NEFM: variants seen among roughly 807,000 people sequenced by gnomAD.
The protein encoded by NEFM is neurofilament medium polypeptide.
NEFM carries 16 observed loss-of-function variants against 48.1 expected under a neutral mutation model. The observed-to-expected ratio is 0.33, with a 90% CI of 0.23 to 0.51. The LOEUF is 0.51. NEFM is among the 20% of genes least tolerant of loss of function. The pLI, the probability that NEFM is intolerant of heterozygous loss-of-function variation, is 0.98. For missense variants in NEFM, 1,107 were observed against 1,136.0 expected (o/e 0.97, Z 0.37); for synonymous variants, 465 against 456.9 (o/e 1.02, Z -0.23).
rs111947575 is a variant in NEFM at position 24,918,282 on chromosome 8, A to G, written c.2427A>G (p.Lys809=). The change falls in exon 3 of 3, where the codon AAA becomes AAG. Residue 809 remains lysine, a synonymous_variant. Coordinates refer to ENST00000221166, the MANE Select transcript of NEFM (RefSeq NM_005382.2). The part of the protein sequence containing the change: ...DIAVNGEVEG[K]EEVEQETKEK... ...CTGTCAATGGGGAGGTAGAAGGAAA[A>G]GAGGAGGTAGAGCAGGAGACCAAGG... is the stretch of plus-strand genomic sequence containing the variant. 13 of 1,606,342 alleles carry G rather than the reference A, an allele frequency of 8.1e-6. No individual in the cohort carries two copies. In the African/African-American group the frequency reaches 9.4e-5, roughly 12 times the overall value.
rs1409776237 is a variant in NEFM, at chr8:24,914,513, G to A, written c.720G>A (p.Glu240=). Residue 240 remains glutamate (E), a synonymous_variant, in exon 1 of 3, where the codon GAG becomes GAA. Transcript: ENST00000221166. Reference sequence around the variant, plus strand: ...CCTTCCTGCGGAGCAACCACGAGGAGGAGGTGGCCGACCTTCTGGCCCAGA... The same window carrying A: ...CCTTCCTGCGGAGCAACCACGAGGAAGAGGTGGCCGACCTTCTGGCCCAGA... The part of the protein sequence containing the change: ...EVAFLRSNHE[E]EVADLLAQIQ... The A allele has an allele frequency of 5.0e-6, 8 of 1,614,026 alleles. No individual in the cohort carries two copies. The highest frequency in any genetic ancestry group is 6.8e-6 in the Non-Finnish European group (8 of 1,180,056).
At position 24,918,886 on chromosome 8, in the gene NEFM, AC is replaced by A. The variant is rs1802625045; in HGVS notation, c.*282del. The A allele has an allele frequency of 4.5e-6, 2 of 441,384 alleles. No homozygotes were observed. The highest frequency in any genetic ancestry group is 4.0e-5 in the African/African-American group (2 of 50,490). The allele number at this position is 441,384 out of a possible 1,614,324, so 27.3% of individuals were successfully genotyped here. On this transcript the variant is annotated 3_prime_UTR_variant, in exon 3 of 3. Coordinates refer to ENST00000221166, the MANE Select transcript of NEFM (RefSeq NM_005382.2). ...TGTCTTGAGATGTATTATGCAAAGT[AC>A]CAACTGAGCCAAAAACAATAAACGA...
Position 24,913,806 on chromosome 8 carries a change from T to C in NEFM, c.13T>C (p.Leu5=), listed in dbSNP as rs745514779. 1.8e-5 allele frequency: 29 copies of C among 1,609,038 alleles called. No individual in the cohort carries two copies. Among genetic ancestry groups the C allele is most frequent in the South Asian group, 1.8e-4 (16 of 90,622 alleles). The change falls in exon 1 of 3, where the codon TTG becomes CTG. Residue 5 remains leucine (L), a synonymous_variant. Transcript: ENST00000221166. MSYT[L]DSLGNPSAYR... ...CAAGGCCTCCAAGATGAGCTACACG[T>C]TGGACTCGCTGGGCAACCCGTCCGC...
At chr8:24,916,489 T>A (rs1802575037) in intron 2 of NEFM, among the ~76,000 whole-genome samples, 4 of 152,172 alleles carry the variant, frequency 2.6e-5, no homozygotes, top group Admixed American at 2.6e-4. Flanking sequence ...AGTTATAATA[T>A]AACGAGAATA....
chr8:24,917,073 G>A lies in NEFM; in HGVS notation c.1218G>A (p.Glu406=). 2 of 1,614,184 alleles carry A rather than the reference G, an allele frequency of 1.2e-6. No homozygotes were observed. Among genetic ancestry groups the A allele is most frequent in the Non-Finnish European group, 1.7e-6 (2 of 1,180,024 alleles). ...ATTTTCTCCTTAGAAAACTCCTGGAGGGTGAAGAGACTAGATTTAGCACAT... is the reference window on the plus strand; with the variant it reads ...ATTTTCTCCTTAGAAAACTCCTGGAAGGTGAAGAGACTAGATTTAGCACAT... ...IEIAAYRKLL[E]GEETRFSTFA... Residue 406 remains glutamate (E), a synonymous_variant, in exon 3 of 3, where the codon GAG becomes GAA. Transcript: ENST00000221166.
chr8:24,917,131 C>T lies in NEFM; in HGVS notation c.1276C>T (p.His426Tyr), dbSNP rs2117223436. Residue 426 changes from histidine (H) to tyrosine (Y), a missense_variant, in exon 3 of 3, where the codon CAC becomes TAC. Physicochemically the swap from His to Tyr is moderately conservative, Grantham distance 83. Coordinates refer to ENST00000221166, the MANE Select transcript of NEFM (RefSeq NM_005382.2). Reference protein sequence around the residue: ...AGSITGPLYTHRPPITISSKI... With the variant: ...AGSITGPLYTYRPPITISSKI... ...AAGCATCACTGGGCCACTGTATACA[C>T]ACCGACCCCCAATCACAATATCCAG... The T allele has an allele frequency of 6.2e-7, 1 of 1,614,124 alleles. No homozygotes were observed. The highest frequency in any genetic ancestry group is 2.2e-5 in the East Asian group (1 of 44,868).
chr8:24,917,590 G>A lies in NEFM; in HGVS notation c.1735G>A (p.Glu579Lys). Residue 579 changes from glutamate to lysine, a missense_variant, in exon 3 of 3, where the codon GAA becomes AAA. Glu to Lys is a moderately conservative substitution (Grantham distance 56). This residue lies in a region of NEFM where 917 missense variants were observed against 916.4 expected (regional missense o/e 1.00). Coordinates refer to ENST00000221166, the MANE Select transcript of NEFM (RefSeq NM_005382.2). ...AACAGAAGCTGAAGCTGAAGGAGAG[G>A]AAGCCGAAGCTAAAGAGGAAAAGAA... ...GETEAEAEGEEAEAKEEKKVE... is the reference protein window; with the variant it reads ...GETEAEAEGEKAEAKEEKKVE... The A allele has an allele frequency of 3.1e-6, 5 of 1,600,906 alleles. No homozygotes were observed. The highest frequency in any genetic ancestry group is 3.4e-6 in the Non-Finnish European group (4 of 1,173,160).
At position 24,918,226 on chromosome 8, in the gene NEFM, G is replaced by T; in HGVS notation, c.2371G>T (p.Gly791Cys). 2 of 1,560,892 alleles carry T rather than the reference G, an allele frequency of 1.3e-6. No homozygotes were observed. The highest frequency in any genetic ancestry group is 1.2e-5 in the South Asian group (1 of 84,916). The change falls in exon 3 of 3, where the codon GGT becomes TGT. Residue 791 changes from glycine (G) to cysteine (C), a missense_variant. Gly to Cys is a radical substitution (Grantham distance 159). Around this residue, in one of 3 missense-constraint regions of NEFM, gnomAD observed 917 missense variants for 916.4 expected, o/e 1.00. Transcript: ENST00000221166. ...GGSEEEGSDK[G>C]AKGSRKEDIA... The stretch of plus-strand genomic sequence containing the variant: ...AAGTGAGGAGGAAGGGAGTGATAAA[G>T]GTGCCAAGGGATCCAGGAAGGAAGA...
Position 24,917,322 on chromosome 8 carries a change from A to G in NEFM, c.1467A>G (p.Lys489=), listed in dbSNP as rs755092890. The G allele has an allele frequency of 1.2e-6, 2 of 1,613,562 alleles. No individual in the cohort carries two copies. Among genetic ancestry groups the G allele is most frequent in the Non-Finnish European group, 8.5e-7 (1 of 1,179,742 alleles). Residue 489 remains lysine (K), a synonymous_variant, in exon 3 of 3, where the codon AAA becomes AAG. Transcript: ENST00000221166. The part of the protein sequence containing the change: ...ELAVSMKEEK[K]EAAEEKEEEP... ...CCGTTTCCATGAAGGAAGAGAAGAA[A>G]GAAGCAGCAGAAGAAAAGGAAGAGG...
chr8:24,914,349 A>G lies in NEFM; in HGVS notation c.556A>G (p.Lys186Glu), dbSNP rs748231603. ...DHLEEDIHRLKERFEEEARLR... is the reference protein window; with the variant it reads ...DHLEEDIHRLEERFEEEARLR... ...CCTGGAGGAAGACATCCACCGGCTC[A>G]AGGAGCGCTTTGAGGAGGAGGCGCG... The change falls in exon 1 of 3, where the codon AAG (lysine) becomes GAG (glutamate). Residue 186 changes from lysine (K) to glutamate (E), a missense_variant. By Grantham distance (56) the Lys-to-Glu change is moderately conservative. Around this residue, in one of 3 missense-constraint regions of NEFM, gnomAD observed 917 missense variants for 916.4 expected, o/e 1.00. Transcript: ENST00000221166. The G allele has an allele frequency of 6.2e-7, 1 of 1,613,530 alleles. No individual in the cohort carries two copies. Among genetic ancestry groups the G allele is most frequent in the East Asian group, 2.2e-5 (1 of 44,868 alleles).
chr8:24,919,057 G>T lies in NEFM; in HGVS notation c.*451G>T, dbSNP rs1438038370. On this transcript the variant is annotated 3_prime_UTR_variant, in exon 3 of 3. Transcript: ENST00000221166. ...ATGTTGATCGATGTTAAACGTCACA[G>T]CAGTACTTGCTCAATAAAGGTCATA... The T allele has an allele frequency of 5.5e-6, 1 of 181,000 alleles. No homozygotes were observed. Among genetic ancestry groups the T allele is most frequent in the Non-Finnish European group, 1.2e-5 (1 of 84,976 alleles). 11.2% of individuals were successfully genotyped at this position (181,000 alleles called of 1,614,324 possible).
Position 24,917,055 on chromosome 8 carries a change from C to A in NEFM, c.1206-6C>A. ...TATGTCTTATGTTCTTGGATTTTCT[C>A]CTTAGAAAACTCCTGGAGGGTGAAG... On this transcript the variant is annotated splice_region_variant and splice_polypyrimidine_tract_variant and intron_variant, in intron 2 of 2. Transcript: ENST00000221166. The A allele has an allele frequency of 6.2e-7, 1 of 1,613,836 alleles. No individual in the cohort carries two copies. The highest frequency in any genetic ancestry group is 8.5e-7 in the Non-Finnish European group (1 of 1,179,744).
intron 1 of NEFM, chr8:24,915,221 T>C: frequency 7.8e-7 from 1 of 1,280,708 alleles, no homozygotes; most frequent in Non-Finnish European, 9.9e-7. Context: ...ACGCGTGTAT[T>C]CTCTACTTTT....
At position 24,914,747 on chromosome 8, in the gene NEFM, C is replaced by G. The variant is rs1174857156; in HGVS notation, c.954C>G (p.Ala318=). The part of the protein sequence containing the change: ...EAIRSAKEEI[A]EYRRQLQSKS... ...TCCGCTCCGCCAAGGAAGAGATCGCCGAGTACCGGCGCCAGCTGCAGTCCA... is the reference window on the plus strand; with the variant it reads ...TCCGCTCCGCCAAGGAAGAGATCGCGGAGTACCGGCGCCAGCTGCAGTCCA... The change falls in exon 1 of 3, where the codon GCC becomes GCG. Residue 318 remains alanine, a synonymous_variant. Coordinates refer to ENST00000221166, the MANE Select transcript of NEFM (RefSeq NM_005382.2). The G allele has an allele frequency of 6.2e-7, 1 of 1,612,992 alleles. No individual in the cohort carries two copies. The highest frequency in any genetic ancestry group is 1.7e-5 in the Admixed American group (1 of 59,844).
chr8:24,918,538 G>A lies in NEFM; in HGVS notation c.2683G>A (p.Val895Met), dbSNP rs1437326905. 3 of 1,613,722 alleles carry A rather than the reference G, an allele frequency of 1.9e-6. No homozygotes were observed. The highest frequency in any genetic ancestry group is 2.5e-6 in the Non-Finnish European group (3 of 1,180,020). ...TGAAGAGACCTTTGAGGAGAAACTA[G>A]TGTCTACTAAAAAGGTAGAAAAAGT... Reference protein sequence around the residue: ...EHEETFEEKLVSTKKVEKVTS... With the variant: ...EHEETFEEKLMSTKKVEKVTS... The change falls in exon 3 of 3, where the codon GTG becomes ATG. Residue 895 changes from valine (V) to methionine (M), a missense_variant. Around this residue, in one of 3 missense-constraint regions of NEFM, gnomAD observed 917 missense variants for 916.4 expected, o/e 1.00. Transcript: ENST00000221166.
In NEFM at chr8:24,914,057, C is replaced by T. The variant is rs755574600; in HGVS notation, c.264C>T (p.Ser88=). 1 of 1,612,798 alleles carries T rather than the reference C, an allele frequency of 6.2e-7. No individual in the cohort carries two copies. The highest frequency in any genetic ancestry group is 1.1e-5 in the South Asian group (1 of 91,088). Residue 88 remains serine (S), a synonymous_variant, in exon 1 of 3, where the codon TCC becomes TCT. Coordinates refer to ENST00000221166, the MANE Select transcript of NEFM (RefSeq NM_005382.2). Reference sequence around the variant, plus strand: ...CCTCGTCCCTGCTCAACGGCGGCTCCGGACCCGGCGGCGACTACAAGCTGT... The same window carrying T: ...CCTCGTCCCTGCTCAACGGCGGCTCTGGACCCGGCGGCGACTACAAGCTGT... ...SQSSSLLNGG[S]GPGGDYKLSR...
At chr8:24,915,879 A>G in intron 2 of NEFM, 150 bp downstream of exon 2, 1 of 1,007,598 alleles carries the variant, frequency 9.9e-7, no homozygotes, top group Admixed American at 2.2e-5. Context: ...AAATTATTCT[A>G]AAGAATTGCA....
At chr8:24,915,434 G>A (rs906855435) in intron 1 of NEFM, 171 bp from the exon 2 acceptor site, 1 of 973,966 alleles carries the variant, frequency 1.0e-6, no homozygotes, top group South Asian at 1.6e-5. Flanking sequence ...GAATCGCTTA[G>A]ATTTAAAAGA....
intron 2 of NEFM, 53 bp from the exon 3 acceptor site, chr8:24,917,008 G>T (rs975397397): frequency 3.2e-5 from 47 of 1,446,240 alleles, no homozygotes; most frequent in Non-Finnish European, 4.3e-5. Flanking sequence ...ATGAAGCTCA[G>T]AAGGCCTAGT....
Sources: allele counts gnomAD v4.1 joint callset (sites outside exome capture counted in the v4.1 genomes callset), GRCh38; gene constraint gnomAD v4.1.1; regional missense constraint gnomAD v4.1.1; transcripts MANE v1.5; gene names NCBI Gene and HGNC (gene_info 2026-07-23, HGNC 2026-07-21).